The following CPLANE1 variants were observed in gnomAD, a reference collection of about 807,000 sequenced individuals.
The protein encoded by CPLANE1 is ciliogenesis and planar polarity effector 1.
CPLANE1 carries 263 observed loss-of-function variants against 362.5 expected under a neutral mutation model. The observed-to-expected ratio is 0.73, with a 90% CI of 0.66 to 0.80. CPLANE1 has a LOEUF of 0.80. CPLANE1 is among the 30% of genes least tolerant of loss of function. The pLI is 0.00. For missense variants in CPLANE1, 3,461 were observed against 3,793.4 expected (o/e 0.91, Z 2.30); for synonymous variants, 1,212 against 1,302.6 (o/e 0.93, Z 1.50).
intron 46 of CPLANE1, chr5:37,130,596 T>C (rs1264482061): frequency 6.1e-6 from 1 of 164,686 alleles, no homozygotes; most frequent in Non-Finnish European, 1.4e-5. Flanking sequence ...TTTGTAAATA[T>C]ACAAAAGGAA....
intron 46 of CPLANE1, among the ~76,000 whole-genome samples, chr5:37,137,023 A>G (rs1002023187): frequency 1.3e-5 from 2 of 152,182 alleles, no homozygotes; most frequent in African/African-American, 4.8e-5. Flanking sequence ...GCTTCTCATT[A>G]TTTATGGAAA....
intron 46 of CPLANE1, among the ~76,000 whole-genome samples, chr5:37,133,898 T>C (rs1580018997): frequency 6.6e-6 from 1 of 152,180 alleles, no homozygotes; most frequent in Admixed American, 6.5e-5. Flanking sequence ...CAGTAAGATG[T>C]TGGCTGTGGG....
intron 21 of CPLANE1, among the ~76,000 whole-genome samples, chr5:37,192,186 T>C (rs1785731343): frequency 1.3e-5 from 2 of 152,362 alleles, no homozygotes; most frequent in South Asian, 4.1e-4. Flanking sequence ...GCCTACAGTA[T>C]TCAGTGTAGT....
the CPLANE1 span, among the ~76,000 whole-genome samples, chr5:37,083,043 A>T: frequency 6.6e-6 from 1 of 152,114 alleles, no homozygotes; most frequent in African/African-American, 2.4e-5. Context: ...CCCAGGAGAC[A>T]CCCCAAATAC....
chr5:37,159,700 A>G (rs1580284956), intron 38 of CPLANE1, among the ~76,000 whole-genome samples: 1 of 152,178 alleles, frequency 6.6e-6, no homozygotes, highest in South Asian at 2.1e-4. Flanking sequence ...TTAAATTTAA[A>G]CCACTTAAAA....
chr5:37,126,300 C>G (rs184214996), intron 46 of CPLANE1, among the ~76,000 whole-genome samples: 1 of 152,250 alleles, frequency 6.6e-6, no homozygotes, highest in Non-Finnish European at 1.5e-5. Context: ...GATCTACTCC[C>G]ATGCTTAGGT....
At chr5:37,079,301 A>C in the CPLANE1 span, among the ~76,000 whole-genome samples, 1 of 152,178 alleles carries the variant, frequency 6.6e-6, no homozygotes, top group South Asian at 2.1e-4. Context: ...ACCATTGATT[A>C]AATAGGGAGT....
At chr5:37,213,409 CTATT>C in intron 16 of CPLANE1, 146 bp downstream of exon 16, 1 of 485,606 alleles carries the variant, frequency 2.1e-6, no homozygotes. Context: ...TTCTCAGATT[CTATT>C]CATTCATAGT....
intron 20 of CPLANE1, 121 bp downstream of exon 20, chr5:37,198,581 T>C: frequency 4.2e-6 from 4 of 950,664 alleles, no homozygotes; most frequent in Non-Finnish European, 6.2e-6. Flanking sequence ...TGAATAAATC[T>C]GAAATTTGTG....
At chr5:37,198,975 T>TAATC in intron 19 of CPLANE1, 109 bp from the exon 20 acceptor site, 1 of 1,011,710 alleles carries the variant, frequency 9.9e-7, no homozygotes, top group South Asian at 1.6e-5. Context: ...CTCACGCCTG[T>TAATC]AATCCCAGCA....
chr5:37,173,922 T>A lies in CPLANE1; in HGVS notation c.6004A>T (p.Lys2002Ter), dbSNP rs908610085. The A allele has an allele frequency of 6.2e-7, 1 of 1,614,160 alleles. No homozygotes were observed. Among genetic ancestry groups the A allele is most frequent in the Non-Finnish European group, 8.5e-7 (1 of 1,180,028 alleles). The stretch of plus-strand genomic sequence containing the variant: ...ATCAGAAGTGGAACTGAGGAAGATT[T>A]TTCTTTATATGTAGAAATCTGTGCA... ...SSAQISTYKE[K>*]SSSVPLLISN... The change falls in exon 32 of 53, where the codon AAA (lysine) becomes TAA (stop). Residue 2002 changes from lysine (K) to a stop codon, truncating the protein, a stop_gained. Coordinates refer to ENST00000651892, the MANE Select transcript of CPLANE1 (RefSeq NM_001384732.1). LOFTEE classifies it high-confidence loss of function.
At position 37,135,138 on chromosome 5, in the gene CPLANE1, T is replaced by C. The variant is rs889793873; in HGVS notation, c.8792+3582A>G. ...GTGCTTTTGCTGCATCCCAGAGATT[T>C]TGGTATGTTGTGTCTTCGTTTTCAT... On this transcript the variant is annotated intron_variant, in intron 46 of 52. Transcript: ENST00000651892. Among the ~76,000 whole-genome samples the C allele has an allele frequency of 2.0e-5, 3 of 152,158 alleles. No individual in the cohort carries two copies. In the East Asian group the frequency reaches 5.8e-4, roughly 29 times the overall value.
At chr5:37,177,111 A>G (rs1299673099) in intron 30 of CPLANE1, among the ~76,000 whole-genome samples, 2 of 152,186 alleles carry the variant, frequency 1.3e-5, no homozygotes. Context: ...CTAAAATTCT[A>G]AAGATTTAGA....
intron 31 of CPLANE1, among the ~76,000 whole-genome samples, chr5:37,174,763 C>T (rs1780701254): frequency 6.6e-6 from 1 of 152,170 alleles, no homozygotes. Context: ...TCCCATTTGG[C>T]AATAATATTT....
At chr5:37,120,361 T>C in intron 49 of CPLANE1, 21 bp from the exon 50 acceptor site, 3 of 1,538,950 alleles carry the variant, frequency 1.9e-6, no homozygotes, top group Non-Finnish European at 1.7e-6. Flanking sequence ...AATCACATAA[T>C]TATTACATTC....
Position 37,209,027 on chromosome 5 carries a change from CG to C in CPLANE1, c.2921-2603del. Among the ~76,000 whole-genome samples the C allele has an allele frequency of 1.3e-5, 2 of 152,224 alleles. No homozygotes were observed. The highest frequency in any genetic ancestry group is 3.9e-4 in the East Asian group (2 of 5,182). On this transcript the variant is annotated intron_variant, in intron 16 of 52. Transcript: ENST00000651892. This position sits in a 1 kb window ranked among gnomAD's most constrained non-coding sequence, Gnocchi z 4.6. ...GCTGTACTGAGCCGGTCTCGGGAGA[CG>C]AAGGATGGGATGTGAGGCGGTCCTG...
chr5:37,229,281 C>T (rs1037290235), intron 9 of CPLANE1, among the ~76,000 whole-genome samples: 4 of 151,226 alleles, frequency 2.6e-5, no homozygotes, highest in African/African-American at 4.9e-5. Flanking sequence ...AGGCCGGGCG[C>T]GGTGGCTCAA....
chr5:37,224,875 T>C lies in CPLANE1; in HGVS notation c.2292-135A>G. On this transcript the variant is annotated intron_variant, in intron 12 of 52. Transcript: ENST00000651892. Reference sequence around the variant, plus strand: ...TACATACAAACTGATCACATTTAAATATAGTGCAAAATAAAATGATTAAAA... The same window carrying C: ...TACATACAAACTGATCACATTTAAACATAGTGCAAAATAAAATGATTAAAA... 4 of 540,144 alleles carry C rather than the reference T, an allele frequency of 7.4e-6. No individual in the cohort carries two copies. In the South Asian group the frequency reaches 1.1e-4, roughly 15 times the overall value. The allele number at this position is 540,144 out of a possible 1,614,324, so 33.5% of individuals were successfully genotyped here. A position where few individuals can be genotyped will look rare whatever the true frequency, so the allele number is the denominator to read the frequency against.
At chr5:37,229,187 A>C (rs577735662) in intron 9 of CPLANE1, among the ~76,000 whole-genome samples, 3 of 150,446 alleles carry the variant, frequency 2.0e-5, no homozygotes, top group African/African-American at 7.4e-5. Flanking sequence ...ACTACACTCC[A>C]GCCTTGGTAA....
Sources: allele counts gnomAD v4.1 joint callset (sites outside exome capture counted in the v4.1 genomes callset), GRCh38; gene constraint gnomAD v4.1.1; non-coding constraint Gnocchi (gnomAD v3.1); transcripts MANE v1.5; gene names NCBI Gene and HGNC (gene_info 2026-07-23, HGNC 2026-07-21).